AGBL1: variants seen among roughly 807,000 people sequenced by gnomAD.
AGBL1 encodes the protein cytosolic carboxypeptidase 4.
Under a neutral mutation model 118.9 loss-of-function variants are expected in AGBL1, and 130 were observed. The observed-to-expected ratio is 1.09, with a 90% CI of 0.95 to 1.26. AGBL1 has a LOEUF of 1.26. AGBL1 is among the 50% of genes most tolerant of loss of function. AGBL1 has a pLI of 0.00. For missense variants in AGBL1, 1,584 were observed against 1,298.1 expected, an observed-to-expected ratio of 1.22 and a Z score of -3.38; for synonymous variants, 555 against 478.9, an observed-to-expected ratio of 1.16 and a Z score of -2.08.
At chr15:86,685,803 CAT>C (rs1438073663) in intron 22 of AGBL1, among the ~76,000 whole-genome samples, 3 of 152,080 alleles carry the variant, frequency 2.0e-5, no homozygotes, top group Non-Finnish European at 4.4e-5. Flanking sequence ...ATTTCTGAAA[CAT>C]ATTGCAAATG....
intron 1 of AGBL1, chr15:86,104,912 A>C: frequency 6.6e-6 from 1 of 152,110 alleles, no homozygotes; most frequent in East Asian, 1.9e-4. Flanking sequence ...TCCCATGGCT[A>C]GGGTTGCAGG....
At chr15:86,523,051 A>G in intron 19 of AGBL1, 112 bp downstream of exon 19, 1 of 1,303,754 alleles carries the variant, frequency 7.7e-7, no homozygotes. Context: ...CCTATGTATG[A>G]CAAGATAGAA....
At chr15:86,086,850 A>G (rs1419142877) in intron 1 of AGBL1, among the ~76,000 whole-genome samples, 1 of 152,146 alleles carries the variant, frequency 6.6e-6, no homozygotes, top group Non-Finnish European at 1.5e-5. Context: ...GAATATCTTT[A>G]TCCATTCTGG....
chr15:87,012,037 G>C (rs1321321612), intron 24 of AGBL1, among the ~76,000 whole-genome samples: 1 of 151,944 alleles, frequency 6.6e-6, no homozygotes, highest in African/African-American at 2.4e-5. Context: ...TTTATAAAAG[G>C]CCCAACAGAG....
intron 1 of AGBL1, among the ~76,000 whole-genome samples, chr15:86,092,033 G>T (rs753256266): frequency 7.0e-4 from 106 of 152,082 alleles, no homozygotes; most frequent in Non-Finnish European, 1.3e-3. Context: ...AATCATCTAT[G>T]ATTTACTTGC....
chr15:86,414,268 TTA>T (rs2081660095), intron 18 of AGBL1, among the ~76,000 whole-genome samples: 1 of 152,148 alleles, frequency 6.6e-6, no homozygotes, highest in Admixed American at 6.6e-5. Flanking sequence ...AACCCAGACT[TTA>T]TCATTATGCA....
chr15:86,111,325 G>T (rs575425022), intron 1 of AGBL1, among the ~76,000 whole-genome samples: 16 of 152,324 alleles, frequency 1.1e-4, no homozygotes, highest in Middle Eastern at 3.4e-3. Context: ...CTTTAAGGAA[G>T]TCCTGGGAAT....
intron 6 of AGBL1, among the ~76,000 whole-genome samples, chr15:86,246,496 C>T (rs567505272): frequency 6.6e-6 from 1 of 152,084 alleles, no homozygotes; most frequent in Non-Finnish European, 1.5e-5. Context: ...AAAGAAAACG[C>T]ACATGAAGAG....
intron 17 of AGBL1, among the ~76,000 whole-genome samples, chr15:86,304,450 C>CCTTG (rs1193259360): frequency 6.6e-6 from 1 of 152,182 alleles, no homozygotes; most frequent in Non-Finnish European, 1.5e-5. Context: ...TATCACATGA[C>CCTTG]CTTGCTACTT....
At chr15:86,974,546 T>A (rs943971714) in intron 23 of AGBL1, among the ~76,000 whole-genome samples, 1 of 127,052 alleles carries the variant, frequency 7.9e-6, no homozygotes, top group Non-Finnish European at 1.7e-5. Context: ...ATAAAAATTA[T>A]ATAATTATAT....
At chr15:86,982,317 G>T (rs2081238944) in intron 23 of AGBL1, among the ~76,000 whole-genome samples, 1 of 151,918 alleles carries the variant, frequency 6.6e-6, no homozygotes, top group South Asian at 2.1e-4. Context: ...ACTCACTCAT[G>T]TTGATACCTA....
intron 24 of AGBL1, among the ~76,000 whole-genome samples, chr15:87,027,875 C>A (rs1254420644): frequency 1.3e-5 from 2 of 151,746 alleles, no homozygotes; most frequent in African/African-American, 2.4e-5. Context: ...CACACTGGGG[C>A]CTCTCGAGGG....
intron 5 of AGBL1, among the ~76,000 whole-genome samples, chr15:86,161,665 T>A (rs2077268468): frequency 6.6e-6 from 1 of 152,222 alleles, no homozygotes. Context: ...AGAGGAGTCT[T>A]ACTCCTCCAT....
At chr15:86,105,636 C>G (rs2141517487) in intron 1 of AGBL1, among the ~76,000 whole-genome samples, 1 of 152,324 alleles carries the variant, frequency 6.6e-6, no homozygotes, top group African/African-American at 2.4e-5. Flanking sequence ...GAGGCCTTTA[C>G]TCAGCCCTTT....
intron 22 of AGBL1, among the ~76,000 whole-genome samples, chr15:86,878,283 GTCTTGCTA>G (rs1196121099): frequency 6.6e-6 from 1 of 152,170 alleles, no homozygotes; most frequent in Non-Finnish European, 1.5e-5. Context: ...CATAGGGTCT[GTCTTGCTA>G]TCATTCAACT....
intron 18 of AGBL1, among the ~76,000 whole-genome samples, chr15:86,473,336 T>A (rs572713497): frequency 6.6e-6 from 1 of 152,246 alleles, no homozygotes; most frequent in East Asian, 1.9e-4. Flanking sequence ...AGGTGAAAAA[T>A]TATTGGTCAG....
intron 17 of AGBL1, among the ~76,000 whole-genome samples, chr15:86,390,450 T>C (rs1466735550): frequency 2.0e-5 from 3 of 152,058 alleles, no homozygotes; most frequent in Non-Finnish European, 4.4e-5. Context: ...CCTAACACCT[T>C]TATTCATAAT....
Position 86,391,105 on chromosome 15 carries a change from C to T in AGBL1, c.2375-6261C>T, listed in dbSNP as rs114145516. Among the ~76,000 whole-genome samples, 25 of 150,654 alleles carry T rather than the reference C, an allele frequency of 1.7e-4. No individual in the cohort carries two copies. In the South Asian group the frequency reaches 4.0e-3, roughly 24 times the overall value. ...CTGCAAAGTGAAATGAGGAGAATATCGGAGATGACAATAATAATTTTATCA... is the reference window on the plus strand; with the variant it reads ...CTGCAAAGTGAAATGAGGAGAATATTGGAGATGACAATAATAATTTTATCA... On this transcript the variant is annotated intron_variant, in intron 17 of 22. Transcript: ENST00000614907.
chr15:86,944,617 CTG>C (rs2080794420), intron 23 of AGBL1, among the ~76,000 whole-genome samples: 1 of 152,142 alleles, frequency 6.6e-6, no homozygotes, highest in South Asian at 2.1e-4. Context: ...ACAAAAATAA[CTG>C]TTTAAGATAG....
Sources: allele counts gnomAD v4.1 joint callset (sites outside exome capture counted in the v4.1 genomes callset), GRCh38; gene constraint gnomAD v4.1.1; transcripts MANE v1.5; gene names NCBI Gene and HGNC (gene_info 2026-07-23, HGNC 2026-07-21).